KCNMA1: variants seen among roughly 807,000 people sequenced by gnomAD.
KCNMA1 encodes Calcium-activated potassium channel subunit alpha-1.
KCNMA1 carries 29 observed loss-of-function variants against 140.0 expected under a neutral mutation model. That is an observed-to-expected ratio of 0.21 (90% CI 0.15 to 0.28). KCNMA1 has a LOEUF of 0.28. KCNMA1 is among the 10% of genes least tolerant of loss of function. The pLI, the probability that KCNMA1 is intolerant of heterozygous loss-of-function variation, is 1.00. For synonymous variants in KCNMA1, 612 were observed against 611.9 expected (o/e 1.00, Z 0.00); for missense variants, 880 against 1,602.2 (o/e 0.55, Z 7.70).
chr10:77,619,327 TCTC>T (rs2090633832), intron 1 of KCNMA1, among the ~76,000 whole-genome samples: 4 of 151,730 alleles, frequency 2.6e-5, no homozygotes, highest in Non-Finnish European at 4.4e-5. Flanking sequence ...TCTCTCTCTC[TCTC>T]TCTCTCTCTC....
At chr10:77,632,973 C>T (rs933693859) in intron 1 of KCNMA1, among the ~76,000 whole-genome samples, 4 of 152,202 alleles carry the variant, frequency 2.6e-5, no homozygotes, top group African/African-American at 7.2e-5. Flanking sequence ...ATGATTTGAA[C>T]TTGGGTTTGC....
At chr10:77,565,116 T>C (rs759114305) in intron 1 of KCNMA1, among the ~76,000 whole-genome samples, 2 of 152,278 alleles carry the variant, frequency 1.3e-5, no homozygotes, top group African/African-American at 2.4e-5. Flanking sequence ...CCACTCTCAG[T>C]GACTGTCCTC....
At chr10:77,068,596 A>G (rs559293774) in intron 14 of KCNMA1, among the ~76,000 whole-genome samples, 2 of 150,350 alleles carry the variant, frequency 1.3e-5, no homozygotes, top group South Asian at 2.1e-4. Context: ...CGGCATAGGG[A>G]AAAAAAAACA....
chr10:77,499,748 T>G (rs1379037390), intron 1 of KCNMA1, among the ~76,000 whole-genome samples: 1 of 152,172 alleles, frequency 6.6e-6, no homozygotes, highest in African/African-American at 2.4e-5. Flanking sequence ...CAACAGGAGA[T>G]GTCCATGGTA....
intron 2 of KCNMA1, among the ~76,000 whole-genome samples, chr10:77,384,056 C>T (rs1279331102): frequency 1.3e-5 from 2 of 152,224 alleles, no homozygotes; most frequent in East Asian, 3.8e-4. Flanking sequence ...CCGCAGGACC[C>T]TAGATGGTGT....
chr10:77,456,912 G>C (rs2097771165), intron 1 of KCNMA1, among the ~76,000 whole-genome samples: 1 of 152,136 alleles, frequency 6.6e-6, no homozygotes, highest in Non-Finnish European at 1.5e-5. Flanking sequence ...TGTCGCTATG[G>C]GTGTTTCTCT....
intron 5 of KCNMA1, among the ~76,000 whole-genome samples, chr10:77,145,580 C>T (rs1290796655): frequency 2.0e-5 from 3 of 152,214 alleles, no homozygotes; most frequent in Non-Finnish European, 4.4e-5. Flanking sequence ...GGAAAACTCC[C>T]TTGCTCCTCT....
chr10:77,582,561 C>G (rs1011586903), intron 1 of KCNMA1, among the ~76,000 whole-genome samples: 6 of 152,160 alleles, frequency 3.9e-5, no homozygotes, highest in Admixed American at 1.3e-4. Flanking sequence ...CACCTGTATC[C>G]CAGAACTTAA....
chr10:77,392,504 C>T (rs1204436010), intron 2 of KCNMA1, among the ~76,000 whole-genome samples: 2 of 152,180 alleles, frequency 1.3e-5, no homozygotes, highest in African/African-American at 4.8e-5. Context: ...CTTGCCACCC[C>T]AAATCATTCT....
chr10:77,090,294 A>G, intron 10 of KCNMA1, 106 bp downstream of exon 10: 1 of 831,896 alleles, frequency 1.2e-6, no homozygotes, highest in Non-Finnish European at 2.1e-6. Context: ...CTCTGGCCCC[A>G]TCCCCAGTGC....
intron 1 of KCNMA1, among the ~76,000 whole-genome samples, chr10:77,590,055 T>G (rs1238012190): frequency 6.6e-6 from 1 of 152,186 alleles, no homozygotes. Context: ...ATACAGAGTG[T>G]CCACTGGTGC....
chr10:77,471,745 A>G (rs1362998790), intron 1 of KCNMA1, among the ~76,000 whole-genome samples: 1 of 151,020 alleles, frequency 6.6e-6, no homozygotes, highest in East Asian at 1.9e-4. Flanking sequence ...ACATACACGC[A>G]TTGTCCACAC....
At chr10:77,174,315 TTCACTCAAAA>T (rs2098734432) in intron 5 of KCNMA1, among the ~76,000 whole-genome samples, 1 of 152,208 alleles carries the variant, frequency 6.6e-6, no homozygotes, top group African/African-American at 2.4e-5. Flanking sequence ...CATTGGTCCA[TTCACTCAAAA>T]TCACTTCAAA....
intron 5 of KCNMA1, among the ~76,000 whole-genome samples, chr10:77,137,591 T>C (rs1376431569): frequency 1.3e-5 from 2 of 152,148 alleles, no homozygotes; most frequent in Non-Finnish European, 2.9e-5. Flanking sequence ...ACCTGCTTCT[T>C]AGCCCCAGCA....
At chr10:77,177,227 A>G (rs926022822) in intron 5 of KCNMA1, among the ~76,000 whole-genome samples, 3 of 151,794 alleles carry the variant, frequency 2.0e-5, no homozygotes, top group Non-Finnish European at 4.4e-5. Context: ...GGCACTCAGC[A>G]AGGCCTCTCT....
chr10:77,224,766 A>C (rs2050775509), intron 3 of KCNMA1, among the ~76,000 whole-genome samples: 1 of 152,180 alleles, frequency 6.6e-6, no homozygotes, highest in African/African-American at 2.4e-5. Flanking sequence ...GGAGCTACTT[A>C]GTTAATCTGC....
chr10:77,194,899 G>A (rs146714484), intron 3 of KCNMA1, among the ~76,000 whole-genome samples: 6 of 152,256 alleles, frequency 3.9e-5, no homozygotes, highest in South Asian at 2.1e-4. Flanking sequence ...TCACTTTGAC[G>A]AACAGAAAAC....
chr10:77,342,030 G>T (rs1566099473), intron 2 of KCNMA1, among the ~76,000 whole-genome samples: 1 of 152,104 alleles, frequency 6.6e-6, no homozygotes, highest in Non-Finnish European at 1.5e-5. Flanking sequence ...CACAACACTT[G>T]CCCTGCACTG....
chr10:77,439,470 G>T lies in KCNMA1; in HGVS notation c.379-35447C>A, dbSNP rs558636008. Among the ~76,000 whole-genome samples the T allele has an allele frequency of 1.6e-4, 25 of 152,282 alleles. No homozygotes were observed. The South Asian group carries it at 5.0e-3, about 30-fold the overall frequency. ...GTGGGAAGGGGGCAGGCAGGAAGGA[G>T]AGTGTTGATCCAGGAACATCTGCAC... On this transcript the variant is annotated intron_variant, in intron 1 of 27. Transcript: ENST00000286628.
Sources: gnomAD v4.1 joint callset for allele counts (sites outside exome capture counted in the v4.1 genomes callset) on GRCh38, gnomAD v4.1.1 for gene constraint, MANE v1.5 for transcripts, NCBI Gene and HGNC (gene_info 2026-07-23, HGNC 2026-07-21) for gene names.